Variants in FGF7 observed in about 807,000 individuals in gnomAD.
The protein encoded by FGF7 is fibroblast growth factor 7.
A neutral mutation model predicts 20.5 loss-of-function variants in FGF7; 6 were observed. The observed-to-expected ratio is 0.29, with a 90% CI of 0.16 to 0.58. The LOEUF (loss-of-function observed/expected upper bound fraction) is 0.58, where lower values mean the gene tolerates loss of function less well. Among genes scored for constraint, FGF7 ranks in the 20% least tolerant of loss-of-function variants. The pLI, the probability that FGF7 is intolerant of heterozygous loss-of-function variation, is 0.90. For synonymous variants in FGF7, 64 were observed against 74.7 expected (o/e 0.86, Z 0.74); for missense variants, 144 against 228.8 (o/e 0.63, Z 2.39).
intron 2 of FGF7, among the ~76,000 whole-genome samples, chr15:49,462,888 TCTCTAGGTC>T: frequency 6.6e-6 from 1 of 152,338 alleles, no homozygotes; most frequent in Admixed American, 6.5e-5. Flanking sequence ...TACATTTTAT[TCTCTAGGTC>T]CTAAGGCACT....
intron 2 of FGF7, among the ~76,000 whole-genome samples, chr15:49,439,124 A>G (rs548534843): frequency 1.3e-5 from 2 of 151,754 alleles, no homozygotes; most frequent in South Asian, 4.1e-4. Context: ...GGATCTATAT[A>G]AAGCATTCTC....
chr15:49,477,773 C>A (rs1195745109), intron 2 of FGF7, among the ~76,000 whole-genome samples: 2 of 152,198 alleles, frequency 1.3e-5, no homozygotes, highest in Non-Finnish European at 2.9e-5. Flanking sequence ...CATGTGACTG[C>A]ACCATTTTGC....
chr15:49,426,776 A>C (rs2050169118), intron 2 of FGF7, among the ~76,000 whole-genome samples: 1 of 151,980 alleles, frequency 6.6e-6, no homozygotes, highest in South Asian at 2.1e-4. Flanking sequence ...TCACAATACC[A>C]GTGTACTAAA....
chr15:49,460,261 G>A (rs1005748288), intron 2 of FGF7, among the ~76,000 whole-genome samples: 1 of 152,144 alleles, frequency 6.6e-6, no homozygotes, highest in African/African-American at 2.4e-5. Flanking sequence ...TAGGTAAGCT[G>A]CACAATTACT....
Position 49,484,260 on chromosome 15 carries a change from C to T in FGF7, c.391-50C>T, listed in dbSNP as rs745703302. 28 of 1,362,884 alleles carry T rather than the reference C, an allele frequency of 2.1e-5. 1 individual carries two copies. In the African/African-American group the frequency reaches 3.9e-4, roughly 19 times the overall value. The allele number at this position is 1,362,884 out of a possible 1,614,324, so 84.4% of individuals were successfully genotyped here. ...CTGCTTACTCTTCGTTTAATTGAGC[C>T]TCTCTAAAAATCATTTGGATAATGT... On this transcript the variant is annotated intron_variant, in intron 3 of 3. Transcript: ENST00000267843.
chr15:49,444,147 G>GA (rs2051952507), intron 2 of FGF7, among the ~76,000 whole-genome samples: 1 of 151,528 alleles, frequency 6.6e-6, no homozygotes, highest in Non-Finnish European at 1.5e-5. Context: ...TGGGATAGCA[G>GA]AAAACTCATC....
At chr15:49,479,353 T>C (rs1315937268) in intron 2 of FGF7, among the ~76,000 whole-genome samples, 4 of 152,132 alleles carry the variant, frequency 2.6e-5, no homozygotes, top group South Asian at 4.1e-4. Context: ...TGGAAATAAA[T>C]TTACTGGGTA....
At chr15:49,436,685 G>T (rs117818498) in intron 2 of FGF7, among the ~76,000 whole-genome samples, 22,919 of 151,442 alleles carry the variant, frequency 0.15, 2,237 homozygotes, top group Non-Finnish European at 0.21. Flanking sequence ...ACAGAATTAA[G>T]TAACTTGCTC....
intron 2 of FGF7, among the ~76,000 whole-genome samples, chr15:49,464,771 C>T (rs898838506): frequency 1.3e-5 from 2 of 152,190 alleles, no homozygotes; most frequent in South Asian, 2.1e-4. Context: ...ATAGTATCTC[C>T]GTGTAAACAG....
chr15:49,480,343 C>T (rs1401098790), intron 2 of FGF7, among the ~76,000 whole-genome samples: 4 of 152,088 alleles, frequency 2.6e-5, no homozygotes, highest in Admixed American at 1.3e-4. Context: ...CAGAGCCTCA[C>T]TCCACCCACA....
intron 2 of FGF7, among the ~76,000 whole-genome samples, chr15:49,441,715 T>C (rs2051664831): frequency 6.6e-6 from 1 of 151,750 alleles, no homozygotes; most frequent in African/African-American, 2.4e-5. Context: ...TACTATTTTA[T>C]TTTATTCATA....
At chr15:49,442,525 C>G (rs771328062) in intron 2 of FGF7, among the ~76,000 whole-genome samples, 2 of 151,674 alleles carry the variant, frequency 1.3e-5, no homozygotes, top group Non-Finnish European at 3.0e-5. Context: ...ATAGGTCTTT[C>G]CATCTATTAT....
intron 2 of FGF7, among the ~76,000 whole-genome samples, chr15:49,476,151 C>A (rs1170367994): frequency 6.6e-6 from 1 of 151,268 alleles, no homozygotes; most frequent in Non-Finnish European, 1.5e-5. Flanking sequence ...TCTATCTATT[C>A]CTCAAATCCT....
chr15:49,430,152 AATGTACGTG>A (rs2050469773), intron 2 of FGF7, among the ~76,000 whole-genome samples: 1 of 151,866 alleles, frequency 6.6e-6, no homozygotes, highest in Non-Finnish European at 1.5e-5. Flanking sequence ...CTGGCCTGGA[AATGTACGTG>A]ATGATAGCTC....
intron 2 of FGF7, among the ~76,000 whole-genome samples, chr15:49,435,874 C>A (rs2151811305): frequency 6.6e-6 from 1 of 151,638 alleles, no homozygotes. Flanking sequence ...TCTGCAAAAT[C>A]TTACAATGTA....
Position 49,487,089 on chromosome 15 carries a change from A to G in FGF7, c.*2585A>G, listed in dbSNP as rs2056457943. Reference sequence around the variant, plus strand: ...ATTTCTGTTGAGATATAGCCTTTACATTTGTACACAAATGTGACTATGTCT... The same window carrying G: ...ATTTCTGTTGAGATATAGCCTTTACGTTTGTACACAAATGTGACTATGTCT... On this transcript the variant is annotated 3_prime_UTR_variant, in exon 4 of 4. Coordinates refer to ENST00000267843, the MANE Select transcript of FGF7 (RefSeq NM_002009.4). The G allele has an allele frequency of 6.6e-6, 1 of 152,028 alleles. No individual in the cohort carries two copies. Among genetic ancestry groups the G allele is most frequent in the Non-Finnish European group, 1.5e-5 (1 of 67,884 alleles). The allele number at this position is 152,028 out of a possible 1,614,324, so 9.4% of individuals were successfully genotyped here. A position where few individuals can be genotyped will look rare whatever the true frequency, so the allele number is the denominator to read the frequency against.
chr15:49,443,923 GT>G (rs869079929), intron 2 of FGF7, among the ~76,000 whole-genome samples: 2 of 134,244 alleles, frequency 1.5e-5, no homozygotes, highest in Admixed American at 1.7e-4. Context: ...TTCCCTGAGA[GT>G]CAGTTGTTAA....
chr15:49,440,599 G>T (rs1198457468), intron 2 of FGF7, among the ~76,000 whole-genome samples: 1 of 151,706 alleles, frequency 6.6e-6, no homozygotes, highest in Non-Finnish European at 1.5e-5. Flanking sequence ...TTATTAAACA[G>T]ATGGGAGAAT....
Position 49,488,547 on chromosome 15 carries a change from AT to A in FGF7, c.*4044del, listed in dbSNP as rs1248197851. 3 of 151,900 alleles carry A rather than the reference AT, an allele frequency of 2.0e-5. No homozygotes were observed. Among genetic ancestry groups the A allele is most frequent in the Non-Finnish European group, 2.9e-5 (2 of 67,906 alleles). The allele number at this position is 151,900 out of a possible 1,614,324, so 9.4% of individuals were successfully genotyped here. A position where few individuals can be genotyped will look rare whatever the true frequency, so the allele number is the denominator to read the frequency against. ...ACTCTCATCTGGGAAGATGCCTCTTATGTTTTCCTTTTACTTCCTGGTTATC... is the reference window on the plus strand; with the variant it reads ...ACTCTCATCTGGGAAGATGCCTCTTAGTTTTCCTTTTACTTCCTGGTTATC... On this transcript the variant is annotated 3_prime_UTR_variant, in exon 4 of 4. Coordinates refer to ENST00000267843, the MANE Select transcript of FGF7 (RefSeq NM_002009.4).
Sources: allele counts gnomAD v4.1 joint callset (sites outside exome capture counted in the v4.1 genomes callset), GRCh38; gene constraint gnomAD v4.1.1; transcripts MANE v1.5; gene names NCBI Gene and HGNC (gene_info 2026-07-23, HGNC 2026-07-21).